CAPN5: variants seen among roughly 807,000 people sequenced by gnomAD.
CAPN5 encodes calpain 5.
A neutral mutation model predicts 73.0 loss-of-function variants in CAPN5; 54 were observed. The ratio of observed to expected loss-of-function variants is 0.74; its 90% CI spans 0.59 to 0.93. The LOEUF (loss-of-function observed/expected upper bound fraction) is 0.93. Ranked by LOEUF, CAPN5 falls within the 40% of genes least tolerant of loss-of-function variation. CAPN5 has a pLI of 0.00. For synonymous variants in CAPN5, 335 were observed against 356.9 expected (o/e 0.94, Z 0.69); for missense variants, 785 against 882.9 (o/e 0.89, Z 1.41).
At chr11:77,115,610 G>A (rs1444089479) in intron 6 of CAPN5, 22 bp downstream of exon 6, 2 of 1,592,316 alleles carry the variant, frequency 1.3e-6, no homozygotes, top group Non-Finnish European at 8.6e-7. Flanking sequence ...GGATGGGGGT[G>A]CAGGCACAGG....
At chr11:77,088,268 G>A (rs782076182) in intron 2 of CAPN5, among the ~76,000 whole-genome samples, 17 of 151,644 alleles carry the variant, frequency 1.1e-4, no homozygotes, top group Non-Finnish European at 2.2e-4. Flanking sequence ...CCTCAGCCCA[G>A]TCCCGGGGAC....
chr11:77,121,006 G>A, intron 10 of CAPN5, 97 bp downstream of exon 10: 6 of 1,148,928 alleles, frequency 5.2e-6, no homozygotes, highest in Non-Finnish European at 6.3e-6. Flanking sequence ...AGTGTCTCTG[G>A]GCCTCCAGCC....
At chr11:77,076,619 T>G (rs1360612885) in intron 1 of CAPN5, among the ~76,000 whole-genome samples, 7 of 152,246 alleles carry the variant, frequency 4.6e-5, no homozygotes, top group Non-Finnish European at 2.9e-5. Flanking sequence ...CATGTGTTAT[T>G]TGTCTTTCTG....
chr11:77,114,421 G>C lies in CAPN5; in HGVS notation c.686G>C (p.Ser229Thr). 1.9e-6 allele frequency: 3 copies of C among 1,614,174 alleles called. No individual in the cohort carries two copies. The highest frequency in any genetic ancestry group is 1.3e-5 in the African/African-American group (1 of 75,048). ...LKVHSRGGLI[S>T]ASIKAVTAAD... ...GTGCACAGCCGGGGCGGCCTCATCA[G>C]TGCCTCCATCAAGGTGAGAACACGG... Residue 229 changes from serine to threonine, a missense_variant, in exon 5 of 13, where the codon AGT (serine) becomes ACT (threonine). Transcript: ENST00000648180.
chr11:77,117,702 C>T (rs1007236224), intron 7 of CAPN5, among the ~76,000 whole-genome samples: 3 of 152,224 alleles, frequency 2.0e-5, no homozygotes, highest in South Asian at 2.1e-4. Flanking sequence ...GCAGCAGGCT[C>T]ACCATGGGGT....
intron 3 of CAPN5, among the ~76,000 whole-genome samples, chr11:77,104,439 T>G (rs1345935208): frequency 6.6e-6 from 1 of 152,160 alleles, no homozygotes; most frequent in Non-Finnish European, 1.5e-5. Context: ...GGTGGGCAGT[T>G]ACGACGGCTG....
intron 5 of CAPN5, among the ~76,000 whole-genome samples, chr11:77,114,804 A>C (rs1357200568): frequency 1.3e-5 from 2 of 152,244 alleles, no homozygotes; most frequent in East Asian, 3.8e-4. Context: ...TGCCTCCAGC[A>C]AAGTAAAAAG....
At chr11:77,122,487 G>A in intron 11 of CAPN5, 89 bp from the exon 12 acceptor site, 10 of 1,124,514 alleles carry the variant, frequency 8.9e-6, no homozygotes, top group Non-Finnish European at 1.3e-5. Context: ...GAATAACTGA[G>A]CCGGGTGGGC....
intron 1 of CAPN5, among the ~76,000 whole-genome samples, chr11:77,081,318 T>C (rs1225588221): frequency 6.6e-6 from 1 of 152,246 alleles, no homozygotes; most frequent in Non-Finnish European, 1.5e-5. Context: ...CTCCTGCCTC[T>C]GTGGCCAGGC....
intron 7 of CAPN5, among the ~76,000 whole-genome samples, chr11:77,117,169 G>A (rs1950476388): frequency 6.6e-6 from 1 of 152,124 alleles, no homozygotes; most frequent in African/African-American, 2.4e-5. Context: ...CCAGGAGGTT[G>A]AGTTTATAGT....
intron 2 of CAPN5, 133 bp from the exon 3 acceptor site, chr11:77,093,549 G>C: frequency 7.3e-7 from 1 of 1,366,714 alleles, no homozygotes; most frequent in Non-Finnish European, 9.8e-7. Context: ...GTGGTGGGAG[G>C]CAGGTGAATC....
At position 77,070,090 on chromosome 11, in the gene CAPN5, G is replaced by A. The variant is rs377483725; in HGVS notation, c.-36+2996G>A. 1.6e-3 allele frequency among the ~76,000 whole-genome samples: 238 copies of A among 152,298 alleles called. 1 individual carries two copies. Among genetic ancestry groups the A allele is most frequent in the African/African-American group, 5.1e-3 (212 of 41,552 alleles). The stretch of plus-strand genomic sequence containing the variant: ...AGCTGTGGATGATGTGTGCTTACCC[G>A]CAAGGGCCTGGGTTACTGCTCCCCA... On this transcript the variant is annotated intron_variant, in intron 1 of 12. Coordinates refer to ENST00000648180, the MANE Select transcript of CAPN5 (RefSeq NM_004055.5).
intron 3 of CAPN5, among the ~76,000 whole-genome samples, chr11:77,094,388 G>A (rs1306524472): frequency 6.6e-6 from 1 of 151,808 alleles, no homozygotes; most frequent in Non-Finnish European, 1.5e-5. Flanking sequence ...CCAAGCTGCT[G>A]GTGTTCTGGA....
intron 1 of CAPN5, 100 bp from the exon 2 acceptor site, chr11:77,084,752 C>T: frequency 2.8e-6 from 3 of 1,076,162 alleles, no homozygotes; most frequent in Non-Finnish European, 4.2e-6. Context: ...CTCGCTGAGC[C>T]TTCCGTGCCT....
Position 77,115,571 on chromosome 11 carries a change from C to T in CAPN5, c.876C>T (p.Asn292=), listed in dbSNP as rs1555041592. 9.3e-6 allele frequency: 15 copies of T among 1,611,326 alleles called. No individual in the cohort carries two copies. The East Asian group carries it at 1.3e-4, about 14-fold the overall frequency. The change falls in exon 6 of 13, where the codon AAC becomes AAT. Residue 292 remains asparagine, a synonymous_variant. Coordinates refer to ENST00000648180, the MANE Select transcript of CAPN5 (RefSeq NM_004055.5). ...ACCCCTGGGGCGAGCGGGAGTGGAA[C>T]GGGCCCTGGAGTGACACGTGAGGCC... ...LRNPWGEREW[N]GPWSDTSEEW...
chr11:77,120,539 C>T (rs1326053657), intron 9 of CAPN5, 174 bp from the exon 10 acceptor site: 5 of 528,742 alleles, frequency 9.5e-6, no homozygotes, highest in Non-Finnish European at 1.7e-5. Flanking sequence ...TGACCTCTTC[C>T]CTTCAGCCCT....
At chr11:77,123,335 G>A (rs936910563) in intron 12 of CAPN5, among the ~76,000 whole-genome samples, 15 of 152,176 alleles carry the variant, frequency 9.9e-5, no homozygotes, top group African/African-American at 3.4e-4. Context: ...AGACCTGTAT[G>A]TCTCAGGGCT....
At chr11:77,088,159 A>T in intron 2 of CAPN5, 335 of 1,107,518 alleles carry the variant, frequency 3.0e-4, no homozygotes, top group Non-Finnish European at 3.7e-4. Flanking sequence ...CTTTGGTGGA[A>T]TGCACAGGGG....
Position 77,123,833 on chromosome 11 carries a change from T to C in CAPN5, c.1886T>C (p.Val629Ala). 1 of 1,613,770 alleles carries C rather than the reference T, an allele frequency of 6.2e-7. No homozygotes were observed. Among genetic ancestry groups the C allele is most frequent in the East Asian group, 2.2e-5 (1 of 44,876 alleles). The change falls in exon 13 of 13, where the codon GTG (valine) becomes GCG (alanine). Residue 629 changes from valine to alanine, a missense_variant. Val to Ala is a moderately conservative substitution (Grantham distance 64). Coordinates refer to ENST00000648180, the MANE Select transcript of CAPN5 (RefSeq NM_004055.5). ...QPSNLPGTVA[V>A]HILSSTSLMA... is the part of the protein sequence containing the mutation. ...AGCAACCTGCCAGGCACTGTGGCCG[T>C]GCACATTCTCAGCAGCACCTCCCTC...
Sources: gnomAD v4.1 joint callset for allele counts (sites outside exome capture counted in the v4.1 genomes callset) on GRCh38, gnomAD v4.1.1 for gene constraint, MANE v1.5 for transcripts, NCBI Gene and HGNC (gene_info 2026-07-23, HGNC 2026-07-21) for gene names.